Variants in CCDC60 observed in about 807,000 individuals in gnomAD.
CCDC60 encodes the protein coiled-coil domain-containing protein 60.
In CCDC60, 54 loss-of-function variants were observed where a neutral mutation model predicts 63.5. That is an observed-to-expected ratio of 0.85 (90% CI 0.68 to 1.07). CCDC60 has a LOEUF of 1.07. Ranked by LOEUF, CCDC60 falls within the 50% of genes least tolerant of loss-of-function variation. The pLI is 0.00. For missense variants in CCDC60, 651 were observed against 684.3 expected, an observed-to-expected ratio of 0.95 and a Z score of 0.54; for synonymous variants, 206 against 238.8, an observed-to-expected ratio of 0.86 and a Z score of 1.27.
Position 119,493,649 on chromosome 12 carries a change from A to G in CCDC60, c.557+4783A>G, listed in dbSNP as rs1055264065. ...ACTGCTAACAAGAGAGTTTATTTCAATTGACAAGATGATCGGGTCCACAGT... is the reference window on the plus strand; with the variant it reads ...ACTGCTAACAAGAGAGTTTATTTCAGTTGACAAGATGATCGGGTCCACAGT... On this transcript the variant is annotated intron_variant, in intron 5 of 13. Transcript: ENST00000327554. 6.0e-4 allele frequency among the ~76,000 whole-genome samples: 91 copies of G among 152,220 alleles called. 1 individual carries two copies. The highest frequency in any genetic ancestry group is 3.2e-4 in the Non-Finnish European group (22 of 68,042).
intron 1 of CCDC60, among the ~76,000 whole-genome samples, chr12:119,411,095 G>C (rs1239486098): frequency 2.0e-5 from 3 of 152,168 alleles, no homozygotes; most frequent in African/African-American, 7.2e-5. Flanking sequence ...GAGACCCAAA[G>C]ACCAAGGGAA....
At chr12:119,392,933 C>A (rs1401530471) in intron 1 of CCDC60, among the ~76,000 whole-genome samples, 2 of 152,106 alleles carry the variant, frequency 1.3e-5, no homozygotes, top group East Asian at 3.8e-4. Flanking sequence ...AGCAGGAGGA[C>A]TGCTTGAGAC....
intron 8 of CCDC60, among the ~76,000 whole-genome samples, chr12:119,517,587 T>G (rs1352665360): frequency 6.6e-6 from 1 of 152,156 alleles, no homozygotes; most frequent in African/African-American, 2.4e-5. Flanking sequence ...GCCAGCCTGA[T>G]GAGGCTGGCA....
rs1347550024 is a variant in CCDC60, at chr12:119,500,131, T to C, written c.611T>C (p.Met204Thr). 1 of 1,611,928 alleles carries C rather than the reference T, an allele frequency of 6.2e-7. No homozygotes were observed. Among genetic ancestry groups the C allele is most frequent in the Non-Finnish European group, 8.5e-7 (1 of 1,179,424 alleles). The change falls in exon 6 of 14, where the codon ATG becomes ACG. Residue 204 changes from methionine (M) to threonine (T), a missense_variant. By Grantham distance (81) the Met-to-Thr change is moderately conservative (BLOSUM62 -1). Transcript: ENST00000327554. ...TIKKINKDKS[M>T]GQKWEHFITA... ...AAAAAAATCAATAAGGACAAGTCCA[T>C]GGGACAGAAATGGGAGCATTTCATC...
chr12:119,421,617 C>G (rs1482680468), intron 1 of CCDC60, among the ~76,000 whole-genome samples: 1 of 152,190 alleles, frequency 6.6e-6, no homozygotes, highest in Non-Finnish European at 1.5e-5. Flanking sequence ...GTGCAGAGCA[C>G]ATAGGAGATT....
At chr12:119,462,423 A>G (rs944898621) in intron 2 of CCDC60, among the ~76,000 whole-genome samples, 6 of 152,134 alleles carry the variant, frequency 3.9e-5, no homozygotes, top group African/African-American at 1.4e-4. Flanking sequence ...TTTATGCACC[A>G]GATTATGTGG....
At position 119,420,019 on chromosome 12, in the gene CCDC60, G is replaced by A. The variant is rs1012258057; in HGVS notation, c.91-8664G>A. The stretch of plus-strand genomic sequence containing the variant: ...AGCCTCCCGAGTAGCTGGGACTACA[G>A]GCACCCACCACCACACCTGGGTAAT... On this transcript the variant is annotated intron_variant, in intron 1 of 13. Coordinates refer to ENST00000327554, the MANE Select transcript of CCDC60 (RefSeq NM_178499.5). This position sits in a 1 kb window ranked among gnomAD's most constrained non-coding sequence, Gnocchi z 4.1. Among the ~76,000 whole-genome samples, 20 of 151,726 alleles carry A rather than the reference G, an allele frequency of 1.3e-4. No individual in the cohort carries two copies. The highest frequency in any genetic ancestry group is 6.6e-4 in the Admixed American group (10 of 15,244).
At chr12:119,523,328 G>C (rs570016017) in intron 10 of CCDC60, among the ~76,000 whole-genome samples, 1 of 152,232 alleles carries the variant, frequency 6.6e-6, no homozygotes, top group Non-Finnish European at 1.5e-5. Flanking sequence ...ACCTGGCCAC[G>C]TGAAATGTCT....
chr12:119,533,781 T>A (rs1005842538), intron 13 of CCDC60, among the ~76,000 whole-genome samples: 1 of 152,198 alleles, frequency 6.6e-6, no homozygotes, highest in Non-Finnish European at 1.5e-5. Context: ...GGTCTATAAG[T>A]CTGTTTTGGT....
chr12:119,477,442 C>A (rs539246488), intron 3 of CCDC60, among the ~76,000 whole-genome samples: 2 of 152,328 alleles, frequency 1.3e-5, no homozygotes, highest in Non-Finnish European at 2.9e-5. Context: ...TCTATTGGAA[C>A]ACTTATCACA....
At chr12:119,483,208 A>G (rs1427961341) in intron 4 of CCDC60, among the ~76,000 whole-genome samples, 1 of 152,158 alleles carries the variant, frequency 6.6e-6, no homozygotes, top group African/African-American at 2.4e-5. Context: ...AAGTGTGCAA[A>G]GCAGAGAGGG....
At chr12:119,520,870 G>GT (rs1299457682) in intron 9 of CCDC60, among the ~76,000 whole-genome samples, 2 of 152,176 alleles carry the variant, frequency 1.3e-5, no homozygotes, top group Non-Finnish European at 2.9e-5. Flanking sequence ...ATCTGTGCCA[G>GT]TAACTGCGCT....
Position 119,456,660 on chromosome 12 carries a change from A to AT in CCDC60, c.171-15329dup. ...AAGCCCCAAGGGCTAATGGTTGCCC[A>AT]TTTTTATGGTTATTTCCTGATGATA... On this transcript the variant is annotated intron_variant, in intron 2 of 13. Coordinates refer to ENST00000327554, the MANE Select transcript of CCDC60 (RefSeq NM_178499.5). The surrounding 1 kb of genome is among the most constrained non-coding windows in gnomAD (Gnocchi z 4.6). Among the ~76,000 whole-genome samples, 1 of 152,234 alleles carries AT rather than the reference A, an allele frequency of 6.6e-6. No individual in the cohort carries two copies. Among genetic ancestry groups the AT allele is most frequent in the Non-Finnish European group, 1.5e-5 (1 of 68,040 alleles).
chr12:119,479,170 A>C lies in CCDC60; in HGVS notation c.418A>C (p.Ile140Leu). 6.2e-7 allele frequency: 1 copy of C among 1,614,026 alleles called. No individual in the cohort carries two copies. Among genetic ancestry groups the C allele is most frequent in the East Asian group, 2.2e-5 (1 of 44,866 alleles). Residue 140 changes from isoleucine to leucine, a missense_variant, in exon 4 of 14, where the codon ATC becomes CTC. Transcript: ENST00000327554. ...RRPFTPIHSC[I>L]ISPSLTEAHV... ...CCCATTCACTCCCATCCACAGCTGCATCATTTCTCCCTCGCTAACCGAGGC... is the reference window on the plus strand; with the variant it reads ...CCCATTCACTCCCATCCACAGCTGCCTCATTTCTCCCTCGCTAACCGAGGC...
intron 1 of CCDC60, among the ~76,000 whole-genome samples, chr12:119,419,823 A>G (rs1230393177): frequency 2.7e-5 from 4 of 150,938 alleles, no homozygotes; most frequent in East Asian, 3.9e-4. Context: ...AAAATTTCCT[A>G]TAAAAGATGC....
chr12:119,359,436 G>A (rs974909997), intron 1 of CCDC60, among the ~76,000 whole-genome samples: 1 of 152,052 alleles, frequency 6.6e-6, no homozygotes, highest in Non-Finnish European at 1.5e-5. Context: ...TGATTGCATG[G>A]AAATATTCCT....
At chr12:119,514,699 GAAGA>G (rs1231350626) in intron 7 of CCDC60, among the ~76,000 whole-genome samples, 1 of 152,030 alleles carries the variant, frequency 6.6e-6, no homozygotes, top group African/African-American at 2.4e-5. Context: ...ATTTATTATT[GAAGA>G]AAGAAAAATA....
intron 12 of CCDC60, among the ~76,000 whole-genome samples, chr12:119,529,126 A>ACT (rs1417695805): frequency 6.6e-6 from 1 of 152,196 alleles, no homozygotes; most frequent in Non-Finnish European, 1.5e-5. Context: ...AAGTAACGTA[A>ACT]TCCCTAAAAA....
chr12:119,388,929 A>T (rs1384830473), intron 1 of CCDC60, among the ~76,000 whole-genome samples: 1 of 152,256 alleles, frequency 6.6e-6, no homozygotes, highest in Non-Finnish European at 1.5e-5. Flanking sequence ...ACCATGTACA[A>T]ACAGCATAGG....
Sources: allele counts gnomAD v4.1 joint callset (sites outside exome capture counted in the v4.1 genomes callset), GRCh38; gene constraint gnomAD v4.1.1; non-coding constraint Gnocchi (gnomAD v3.1); transcripts MANE v1.5; gene names NCBI Gene and HGNC (gene_info 2026-07-23, HGNC 2026-07-21).